Variants in DNAJC1 observed in about 807,000 individuals in gnomAD.
DNAJC1 encodes the protein dnaJ homolog subfamily C member 1.
In DNAJC1, 58 loss-of-function variants were observed where a neutral mutation model predicts 76.6. That is an observed-to-expected ratio of 0.76 (90% CI 0.61 to 0.94). DNAJC1 has a LOEUF of 0.94. Among genes scored for constraint, DNAJC1 ranks in the 40% least tolerant of loss-of-function variants. The pLI, the probability that DNAJC1 is intolerant of heterozygous loss-of-function variation, is 0.00. For missense variants in DNAJC1, 689 were observed against 677.3 expected, an observed-to-expected ratio of 1.02 and a Z score of -0.19; for synonymous variants, 258 against 267.9, an observed-to-expected ratio of 0.96 and a Z score of 0.36.
chr10:21,909,278 A>G (rs1320363651), intron 6 of DNAJC1, among the ~76,000 whole-genome samples: 2 of 152,254 alleles, frequency 1.3e-5, no homozygotes, highest in Non-Finnish European at 2.9e-5. Flanking sequence ...GCTAACTTAA[A>G]TAATGTATGA....
chr10:21,994,352 T>C (rs1590084598), intron 1 of DNAJC1, among the ~76,000 whole-genome samples: 2 of 152,190 alleles, frequency 1.3e-5, no homozygotes, highest in African/African-American at 4.8e-5. Flanking sequence ...GCAAAATCAA[T>C]CTAATTTACT....
intron 8 of DNAJC1, among the ~76,000 whole-genome samples, chr10:21,875,032 C>T (rs930988536): frequency 1.3e-5 from 2 of 152,090 alleles, no homozygotes; most frequent in Non-Finnish European, 2.9e-5. Flanking sequence ...AGGCACGTAC[C>T]ACCACACACG....
chr10:21,818,686 T>A (rs1024677617), intron 8 of DNAJC1, among the ~76,000 whole-genome samples: 1 of 151,992 alleles, frequency 6.6e-6, no homozygotes, highest in East Asian at 1.9e-4. Flanking sequence ...TTAGGAAAAA[T>A]AGAAAAGAAC....
rs35639440 is a variant in DNAJC1, at chr10:21,790,010, T to TA, written c.1098+15969dup. 5.5e-3 allele frequency among the ~76,000 whole-genome samples: 226 copies of TA among 41,098 alleles called. 14 individuals carry two copies. Among genetic ancestry groups the TA allele is most frequent in the African/African-American group, 7.0e-3 (59 of 8,412 alleles). The allele number at this position is 41,098 out of a possible 152,430, so 27.0% of individuals were successfully genotyped here. On this transcript the variant is annotated intron_variant, in intron 9 of 11. Coordinates refer to ENST00000376980, the MANE Select transcript of DNAJC1 (RefSeq NM_022365.4). Reference sequence around the variant, plus strand: ...GGGCAACACAGCAAGGCTCTGTCTTTAAAAAAAAAAAAAAAAAAAAAAAAA... The same window carrying TA: ...GGGCAACACAGCAAGGCTCTGTCTTTAAAAAAAAAAAAAAAAAAAAAAAAAA...
chr10:21,804,116 G>T (rs934620905), intron 9 of DNAJC1: 3 of 266,496 alleles, frequency 1.1e-5, no homozygotes, highest in African/African-American at 2.3e-5. Flanking sequence ...GTTATATCCT[G>T]TGTATTCTTG....
chr10:21,876,103 G>T (rs1191696232), intron 8 of DNAJC1, among the ~76,000 whole-genome samples: 2 of 150,740 alleles, frequency 1.3e-5, no homozygotes, highest in African/African-American at 4.9e-5. Context: ...ACACATTATT[G>T]AAAAAACGTT....
At chr10:21,815,769 G>A (rs960815787) in intron 8 of DNAJC1, among the ~76,000 whole-genome samples, 20 of 150,548 alleles carry the variant, frequency 1.3e-4, no homozygotes, top group African/African-American at 4.2e-4. Context: ...TTTTTGAGAC[G>A]GAGTTTCCCT....
chr10:21,987,548 A>G (rs920805057), intron 1 of DNAJC1, among the ~76,000 whole-genome samples: 2 of 152,222 alleles, frequency 1.3e-5, no homozygotes, highest in Admixed American at 6.5e-5. Flanking sequence ...GCTTACTGTA[A>G]GTATATTTGC....
At chr10:21,967,290 T>C (rs1265933846) in intron 1 of DNAJC1, among the ~76,000 whole-genome samples, 5 of 152,226 alleles carry the variant, frequency 3.3e-5, no homozygotes, top group Non-Finnish European at 5.9e-5. Context: ...TCATACAATA[T>C]GCAGTCTTAT....
At chr10:21,776,076 A>G (rs1332453289) in intron 9 of DNAJC1, among the ~76,000 whole-genome samples, 1 of 152,150 alleles carries the variant, frequency 6.6e-6, no homozygotes. Flanking sequence ...GTAAGGGTAG[A>G]GTGAATGAAA....
At chr10:21,956,530 T>G (rs551286218) in intron 1 of DNAJC1, among the ~76,000 whole-genome samples, 2 of 151,492 alleles carry the variant, frequency 1.3e-5, no homozygotes, top group African/African-American at 2.4e-5. Context: ...TATAAATTTA[T>G]GTACATACAC....
At chr10:21,962,000 C>T (rs1184142393) in intron 1 of DNAJC1, among the ~76,000 whole-genome samples, 1 of 152,132 alleles carries the variant, frequency 6.6e-6, no homozygotes, top group East Asian at 1.9e-4. Context: ...TCATTACTCA[C>T]ATCCTCCCTC....
chr10:21,791,967 C>T (rs936698097), intron 9 of DNAJC1, among the ~76,000 whole-genome samples: 8 of 151,944 alleles, frequency 5.3e-5, no homozygotes, highest in Middle Eastern at 3.4e-3. Context: ...ATTGATAAAC[C>T]GTTAGCTTAG....
At chr10:21,800,741 T>C (rs1589985386) in intron 9 of DNAJC1, among the ~76,000 whole-genome samples, 1 of 152,222 alleles carries the variant, frequency 6.6e-6, no homozygotes, top group African/African-American at 2.4e-5. Context: ...TAGAATGATA[T>C]ACAACGTTTA....
intron 8 of DNAJC1, among the ~76,000 whole-genome samples, chr10:21,836,201 C>A (rs896597551): frequency 3.3e-5 from 5 of 152,130 alleles, no homozygotes; most frequent in African/African-American, 9.7e-5. Flanking sequence ...AATTTTTAAC[C>A]CAGAATTTCA....
At chr10:21,969,175 G>T (rs1837935819) in intron 1 of DNAJC1, among the ~76,000 whole-genome samples, 2 of 136,758 alleles carry the variant, frequency 1.5e-5, no homozygotes, top group Non-Finnish European at 3.0e-5. Flanking sequence ...AGTGAACCAA[G>T]ATTGCACCAC....
chr10:21,826,142 G>A (rs899315583), intron 8 of DNAJC1, among the ~76,000 whole-genome samples: 1 of 144,864 alleles, frequency 6.9e-6, no homozygotes, highest in African/African-American at 2.6e-5. Flanking sequence ...GTAGGCTGAG[G>A]CAGGAGAATG....
intron 1 of DNAJC1, among the ~76,000 whole-genome samples, chr10:21,962,617 G>A (rs188560468): frequency 7.7e-4 from 114 of 148,924 alleles, no homozygotes; most frequent in African/African-American, 2.0e-3. Flanking sequence ...ACAGGTGCAT[G>A]CCACCACGCT....
intron 8 of DNAJC1, chr10:21,865,261 C>T (rs1441551438): frequency 4.6e-5 from 7 of 152,104 alleles, no homozygotes; most frequent in Non-Finnish European, 1.0e-4. Context: ...AAAAACTTGA[C>T]TTGCACTTGA....
Sources: allele counts gnomAD v4.1 joint callset (sites outside exome capture counted in the v4.1 genomes callset), GRCh38; gene constraint gnomAD v4.1.1; transcripts MANE v1.5; gene names NCBI Gene and HGNC (gene_info 2026-07-23, HGNC 2026-07-21).